The following RPH3A variants were observed in gnomAD, a reference collection of about 807,000 sequenced individuals.
RPH3A encodes the protein rabphilin-3A.
A neutral mutation model predicts 102.2 loss-of-function variants in RPH3A; 48 were observed. The observed-to-expected ratio is 0.47, with a 90% CI of 0.37 to 0.60. The LOEUF (loss-of-function observed/expected upper bound fraction) is 0.60, where lower values mean the gene tolerates loss of function less well. RPH3A is among the 20% of genes least tolerant of loss of function. The pLI is 0.00. For missense variants in RPH3A, 781 were observed against 910.1 expected (o/e 0.86, Z 1.83); for synonymous variants, 310 against 324.3 (o/e 0.96, Z 0.47).
chr12:112,585,470 C>T (rs1038188067), intron 1 of RPH3A, among the ~76,000 whole-genome samples: 2 of 152,154 alleles, frequency 1.3e-5, no homozygotes, highest in African/African-American at 2.4e-5. Flanking sequence ...CGCGGTGGCT[C>T]GCACCTGTAA....
At chr12:112,667,647 G>A (rs1410218271) in intron 1 of RPH3A, among the ~76,000 whole-genome samples, 3 of 131,744 alleles carry the variant, frequency 2.3e-5, no homozygotes, top group Non-Finnish European at 4.7e-5. Context: ...CACCATTCAT[G>A]GGCAGAGATG....
chr12:112,860,810 T>C (rs748899875), intron 5 of RPH3A, among the ~76,000 whole-genome samples: 44 of 152,176 alleles, frequency 2.9e-4, no homozygotes, highest in Non-Finnish European at 5.4e-4. Flanking sequence ...ACACAATCTA[T>C]TTTCTGACTA....
At chr12:112,745,923 G>A (rs1035631040) in intron 1 of RPH3A, among the ~76,000 whole-genome samples, 1 of 152,126 alleles carries the variant, frequency 6.6e-6, no homozygotes, top group Non-Finnish European at 1.5e-5. Flanking sequence ...GTTTGTGATT[G>A]TGGAACTGTA....
chr12:112,775,624 G>T (rs989788891), intron 1 of RPH3A, among the ~76,000 whole-genome samples: 1 of 152,196 alleles, frequency 6.6e-6, no homozygotes, highest in African/African-American at 2.4e-5. Flanking sequence ...AGCAGTGGGA[G>T]AAATAGAAGA....
chr12:112,897,374 T>C lies in RPH3A; in HGVS notation c.*594T>C, dbSNP rs2043198880. 1 of 152,652 alleles carries C rather than the reference T, an allele frequency of 6.6e-6. No homozygotes were observed. The highest frequency in any genetic ancestry group is 6.5e-5 in the Admixed American group (1 of 15,332). 9.5% of individuals were successfully genotyped at this position (152,652 alleles called of 1,614,324 possible). On this transcript the variant is annotated 3_prime_UTR_variant, in exon 22 of 22. Transcript: ENST00000389385. ...TGCTCCAAGTGCACCAGGATGCAAA[T>C]GCACAGAATTCACCAGGGGCTTGGA...
chr12:112,865,590 G>A (rs1593101378), intron 6 of RPH3A, 47 bp downstream of exon 6: 1 of 1,591,828 alleles, frequency 6.3e-7, no homozygotes. Flanking sequence ...CACCTGCAGA[G>A]GGGAAAGTCC....
At chr12:112,644,587 A>C (rs1250863360) in intron 1 of RPH3A, among the ~76,000 whole-genome samples, 1 of 152,220 alleles carries the variant, frequency 6.6e-6, no homozygotes, top group African/African-American at 2.4e-5. Flanking sequence ...AACACCATCC[A>C]TCTCTGCTAC....
upstream of RPH3A, among the ~76,000 whole-genome samples, chr12:112,787,056 T>C (rs756735325): frequency 6.6e-6 from 1 of 152,060 alleles, no homozygotes; most frequent in Non-Finnish European, 1.5e-5. Flanking sequence ...TACCTCTCTT[T>C]CTCTCTCTCC....
intron 1 of RPH3A, among the ~76,000 whole-genome samples, chr12:112,750,913 A>G (rs1280816804): frequency 6.6e-6 from 1 of 152,068 alleles, no homozygotes; most frequent in African/African-American, 2.4e-5. Flanking sequence ...CCTTGTATGG[A>G]CCTGGGGAAT....
At chr12:112,741,065 A>G (rs548348652) in intron 1 of RPH3A, among the ~76,000 whole-genome samples, 389 of 152,242 alleles carry the variant, frequency 2.6e-3, no homozygotes, top group Non-Finnish European at 4.2e-3. Context: ...TTTCCTCTTC[A>G]TCTTACTTTA....
chr12:112,606,276 T>C lies in RPH3A; in HGVS notation c.-140+30957T>C, dbSNP rs186884426. Among the ~76,000 whole-genome samples, 16 of 152,336 alleles carry C rather than the reference T, an allele frequency of 1.1e-4. No individual in the cohort carries two copies. In the East Asian group the frequency reaches 2.9e-3, roughly 28 times the overall value. Reference sequence around the variant, plus strand: ...ATTTACCACTTACCAACTTTACTATTTACTCGCTGTGGGTTAGGGTTAGGG... The same window carrying C: ...ATTTACCACTTACCAACTTTACTATCTACTCGCTGTGGGTTAGGGTTAGGG... On this transcript the variant is annotated intron_variant, in intron 1 of 21. Coordinates refer to the RPH3A transcript ENST00000543106.
intron 1 of RPH3A, among the ~76,000 whole-genome samples, chr12:112,781,983 C>T (rs1422982840): frequency 6.6e-6 from 1 of 152,188 alleles, no homozygotes; most frequent in Non-Finnish European, 1.5e-5. Flanking sequence ...CTCCCACTTT[C>T]CCACGCTGGG....
At chr12:112,577,048 G>A (rs1388066816) in intron 1 of RPH3A, among the ~76,000 whole-genome samples, 1 of 151,612 alleles carries the variant, frequency 6.6e-6, no homozygotes, top group Non-Finnish European at 1.5e-5. Context: ...TAGTAACACA[G>A]GCATGTGCCA....
intron 1 of RPH3A, among the ~76,000 whole-genome samples, chr12:112,755,831 A>C (rs1401507486): frequency 6.6e-6 from 1 of 152,148 alleles, no homozygotes; most frequent in Non-Finnish European, 1.5e-5. Context: ...CTTTTTAAAA[A>C]ACTTTTGCAG....
chr12:112,654,469 C>A (rs1449166793), intron 1 of RPH3A, among the ~76,000 whole-genome samples: 3 of 152,032 alleles, frequency 2.0e-5, no homozygotes, highest in Non-Finnish European at 4.4e-5. Context: ...TCAGGAACCA[C>A]CTCTAGGAGC....
chr12:112,661,484 G>A (rs986108227), intron 1 of RPH3A, among the ~76,000 whole-genome samples: 1 of 152,200 alleles, frequency 6.6e-6, no homozygotes, highest in Non-Finnish European at 1.5e-5. Flanking sequence ...CTGGCCCATA[G>A]AAAGTGGTTG....
intron 4 of RPH3A, among the ~76,000 whole-genome samples, chr12:112,841,734 A>G (rs1397482375): frequency 5.0e-5 from 7 of 141,180 alleles, no homozygotes; most frequent in African/African-American, 1.6e-4. Context: ...ATTGCATCCT[A>G]ATATCTCAGT....
At chr12:112,841,712 T>TG (rs1555215086) in intron 4 of RPH3A, among the ~76,000 whole-genome samples, 17 of 151,124 alleles carry the variant, frequency 1.1e-4, no homozygotes, top group East Asian at 7.8e-4. Context: ...TTTTGGTTTT[T>TG]TTTTTTTTTC....
chr12:112,868,646 C>A (rs2042653667), intron 8 of RPH3A, 51 bp downstream of exon 8: 1 of 1,570,548 alleles, frequency 6.4e-7, no homozygotes, highest in Non-Finnish European at 8.7e-7. Context: ...TCTTAGCCAA[C>A]TGGTCTACCT....
Sources: gnomAD v4.1 joint callset for allele counts (sites outside exome capture counted in the v4.1 genomes callset) on GRCh38, gnomAD v4.1.1 for gene constraint, MANE v1.5 for transcripts, NCBI Gene and HGNC (gene_info 2026-07-23, HGNC 2026-07-21) for gene names.